Variants in NCAM2 observed in about 807,000 individuals in gnomAD.
NCAM2 encodes N-CAM-2.
NCAM2 carries 30 observed loss-of-function variants against 98.1 expected under a neutral mutation model. The observed-to-expected ratio is 0.31, with a 90% CI of 0.23 to 0.41. The LOEUF (loss-of-function observed/expected upper bound fraction) is 0.41, where lower values mean the gene tolerates loss of function less well. Among genes scored for constraint, NCAM2 ranks in the 10% least tolerant of loss-of-function variants. The probability of loss-of-function intolerance (pLI) is 1.00; values close to 1 mark genes in which losing one functional copy is unlikely to be tolerated. For missense variants in NCAM2, 867 were observed against 1,005.8 expected (o/e 0.86, Z 1.87); for synonymous variants, 368 against 342.4 (o/e 1.07, Z -0.83).
intron 1 of NCAM2, among the ~76,000 whole-genome samples, chr21:21,119,858 A>G (rs867139387): frequency 5.3e-5 from 8 of 152,350 alleles, no homozygotes; most frequent in African/African-American, 1.9e-4. Context: ...TTGAATCTTG[A>G]AACATTAATA....
At chr21:21,522,005 A>G (rs1227624361) in intron 16 of NCAM2, among the ~76,000 whole-genome samples, 1 of 149,230 alleles carries the variant, frequency 6.7e-6, no homozygotes, top group Non-Finnish European at 1.5e-5. Context: ...ATGTGTATAT[A>G]TCAATATATA....
chr21:21,335,493 TTTC>T lies in NCAM2; in HGVS notation c.738-6_738-4del, dbSNP rs750876978. 1 of 1,577,640 alleles carries T rather than the reference TTTC, an allele frequency of 6.3e-7. No individual in the cohort carries two copies. Among genetic ancestry groups the T allele is most frequent in the East Asian group, 2.3e-5 (1 of 43,646 alleles). ...CAGATCTGTGAGGATGAACCTCTTT[TTTC>T]TTCTTTAGGAATGGCAAGCTCATTG... On this transcript the variant is annotated splice_polypyrimidine_tract_variant and intron_variant, in intron 6 of 17. Coordinates refer to ENST00000400546, the MANE Select transcript of NCAM2 (RefSeq NM_004540.5).
rs1046363366 is a variant in NCAM2 at position 21,210,642 on chromosome 21, C to T, written c.56-69936C>T. 1.0e-5 allele frequency: 13 copies of T among 1,283,724 alleles called. No individual in the cohort carries two copies. In the Admixed American group the frequency reaches 1.4e-4, roughly 14 times the overall value. The allele number at this position is 1,283,724 out of a possible 1,614,324, so 79.5% of individuals were successfully genotyped here. On this transcript the variant is annotated intron_variant, in intron 1 of 17. Transcript: ENST00000400546. ...GTCTCTTTGTTGACTGGAAATACAACGAAGCACTTTATCTTGAAGAAGGGC... is the reference window on the plus strand; with the variant it reads ...GTCTCTTTGTTGACTGGAAATACAATGAAGCACTTTATCTTGAAGAAGGGC...
At chr21:21,244,546 A>G (rs1359888535) in intron 1 of NCAM2, among the ~76,000 whole-genome samples, 2 of 152,136 alleles carry the variant, frequency 1.3e-5, no homozygotes, top group African/African-American at 4.8e-5. Context: ...AAAATTATAT[A>G]TAGGCCACAG....
intron 1 of NCAM2, among the ~76,000 whole-genome samples, chr21:21,105,781 C>T (rs563310293): frequency 2.5e-4 from 38 of 152,162 alleles, no homozygotes; most frequent in African/African-American, 9.2e-4. Context: ...AAAGTCCATA[C>T]GCTTTCTTCT....
intron 15 of NCAM2, among the ~76,000 whole-genome samples, chr21:21,486,165 G>A (rs1198050432): frequency 6.6e-6 from 1 of 151,944 alleles, no homozygotes; most frequent in East Asian, 1.9e-4. Flanking sequence ...TTAGCCGGGC[G>A]TGGTGGCGGG....
intron 12 of NCAM2, among the ~76,000 whole-genome samples, chr21:21,449,575 A>G (rs769965694): frequency 6.6e-6 from 1 of 152,030 alleles, no homozygotes; most frequent in African/African-American, 2.4e-5. Flanking sequence ...TATAATAACT[A>G]TAAAATTTTT....
chr21:21,080,627 G>C (rs1362748451), intron 1 of NCAM2, among the ~76,000 whole-genome samples: 1 of 32,328 alleles, frequency 3.1e-5, no homozygotes, highest in East Asian at 8.8e-4. Flanking sequence ...AAAAAAAAAA[G>C]ACTTCCTAAG....
chr21:21,052,581 A>G (rs148683411), intron 1 of NCAM2, among the ~76,000 whole-genome samples: 1 of 152,254 alleles, frequency 6.6e-6, no homozygotes, highest in East Asian at 1.9e-4. Context: ...ACAATACTGA[A>G]CATTCAAAAT....
intron 1 of NCAM2, among the ~76,000 whole-genome samples, chr21:21,202,486 G>T (rs1028809998): frequency 8.3e-6 from 1 of 119,862 alleles, no homozygotes; most frequent in African/African-American, 3.2e-5. Context: ...GTGCAAACTT[G>T]GCTCACCGCA....
intron 6 of NCAM2, among the ~76,000 whole-genome samples, chr21:21,326,126 C>T (rs1300342993): frequency 5.3e-5 from 8 of 152,258 alleles, no homozygotes; most frequent in South Asian, 2.1e-4. Context: ...TTCGTCCTGA[C>T]GTGCACTTCA....
chr21:21,246,362 G>A (rs2071271752), intron 1 of NCAM2, among the ~76,000 whole-genome samples: 2 of 152,074 alleles, frequency 1.3e-5, no homozygotes, highest in South Asian at 2.1e-4. Context: ...GTTGTTTTAG[G>A]TGATTATTTT....
intron 1 of NCAM2, among the ~76,000 whole-genome samples, chr21:21,030,457 T>G (rs569637906): frequency 6.6e-6 from 1 of 152,338 alleles, no homozygotes; most frequent in Admixed American, 6.5e-5. Context: ...CGTCTTCATC[T>G]GAATGACCTG....
At chr21:21,536,040 A>T (rs901786274) in intron 17 of NCAM2, among the ~76,000 whole-genome samples, 1 of 152,120 alleles carries the variant, frequency 6.6e-6, no homozygotes, top group Admixed American at 6.5e-5. Context: ...TTGATGCTTG[A>T]GGTGACACAT....
Position 21,244,801 on chromosome 21 carries a change from C to T in NCAM2, c.56-35777C>T, listed in dbSNP as rs577767251. Among the ~76,000 whole-genome samples the T allele has an allele frequency of 8.4e-5, 12 of 143,604 alleles. No individual in the cohort carries two copies. In the East Asian group the frequency reaches 1.3e-3, roughly 15 times the overall value. 94.2% of individuals were successfully genotyped at this position (143,604 alleles called of 152,430 possible). Reference sequence around the variant, plus strand: ...GGCGGAGGTTGCAGTGAGCCGAGATCGCGCCACTGCACTCCTACCTGGGGA... The same window carrying T: ...GGCGGAGGTTGCAGTGAGCCGAGATTGCGCCACTGCACTCCTACCTGGGGA... On this transcript the variant is annotated intron_variant, in intron 1 of 17. Transcript: ENST00000400546.
At position 20,998,611 on chromosome 21, in the gene NCAM2, C is replaced by T. The variant is rs116546079; in HGVS notation, c.48C>T (p.Ser16=). 293 of 1,614,000 alleles carry T rather than the reference C, an allele frequency of 1.8e-4. No individual in the cohort carries two copies. The African/African-American group carries it at 3.7e-3, about 20-fold the overall frequency. ...SFYLLGLLVS[S]GQALLQVTIS... ...ACCTGCTGGGGTTGCTTGTCAGTAG[C>T]GGGCAAGGTAGGAGTGTGGCGCTTT... The change falls in exon 1 of 18, where the codon AGC becomes AGT. Residue 16 remains serine, a synonymous_variant. Transcript: ENST00000400546.
chr21:21,256,507 T>A (rs1007727334), intron 1 of NCAM2, among the ~76,000 whole-genome samples: 1 of 152,204 alleles, frequency 6.6e-6, no homozygotes, highest in African/African-American at 2.4e-5. Context: ...GTTCATATGT[T>A]CTTGCAAATG....
intron 11 of NCAM2, 77 bp downstream of exon 11, chr21:21,418,646 G>A (rs2077042915): frequency 9.4e-7 from 1 of 1,058,700 alleles, no homozygotes; most frequent in Non-Finnish European, 1.5e-6. Context: ...TGATAAAGTG[G>A]TCTCATTTAC....
chr21:21,055,937 T>C (rs1242877141), intron 1 of NCAM2, among the ~76,000 whole-genome samples: 1 of 152,088 alleles, frequency 6.6e-6, no homozygotes, highest in Non-Finnish European at 1.5e-5. Context: ...CCCTAAATAT[T>C]ATGGGACTAA....
Sources: gnomAD v4.1 joint callset for allele counts (sites outside exome capture counted in the v4.1 genomes callset) on GRCh38, gnomAD v4.1.1 for gene constraint, MANE v1.5 for transcripts, NCBI Gene and HGNC (gene_info 2026-07-23, HGNC 2026-07-21) for gene names.